ASMTL: variants seen among roughly 807,000 people sequenced by gnomAD.
ASMTL encodes the protein probable bifunctional dTTP/UTP pyrophosphatase/methyltransferase protein.
Under a neutral mutation model 60.3 loss-of-function variants are expected in ASMTL, and 57 were observed. The observed-to-expected ratio is 0.95, with a 90% confidence interval of 0.76 to 1.18. The LOEUF is 1.18. ASMTL is among the 50% of genes most tolerant of loss of function. The probability of loss-of-function intolerance (pLI) is 0.00; values close to 1 mark genes in which losing one functional copy is unlikely to be tolerated. For missense variants in ASMTL, 981 were observed against 852.6 expected (o/e 1.15, Z -1.88); for synonymous variants, 419 against 373.0 (o/e 1.12, Z -1.42).
intron 5 of ASMTL, among the ~76,000 whole-genome samples, chrX:1,432,594 C>T (rs2090827158): frequency 2.0e-5 from 3 of 152,194 alleles, no homozygotes; most frequent in African/African-American, 2.4e-5. Flanking sequence ...CCTTGGGAGG[C>T]CGAGGCGGGT....
intron 7 of ASMTL, among the ~76,000 whole-genome samples, chrX:1,427,131 G>T (rs2090634255): frequency 6.6e-6 from 1 of 152,088 alleles, no homozygotes. Context: ...AGACAGAAGA[G>T]ACACAGACAC....
At chrX:1,448,374 C>G (rs1377382288) in intron 1 of ASMTL, among the ~76,000 whole-genome samples, 2 of 146,998 alleles carry the variant, frequency 1.4e-5, no homozygotes, top group African/African-American at 5.1e-5. Context: ...CCATCTTGGA[C>G]AAGCACCACC....
chrX:1,438,957 TG>T, intron 3 of ASMTL, 139 bp downstream of exon 3: 1 of 939,136 alleles, frequency 1.1e-6, no homozygotes, highest in Non-Finnish European at 1.7e-6. Flanking sequence ...CCTCATCTGC[TG>T]GTAGTTTGTG....
At chrX:1,434,974 T>A (rs2090921152) in intron 5 of ASMTL, 48 bp downstream of exon 5, 3 of 1,606,342 alleles carry the variant, frequency 1.9e-6, no homozygotes, top group Non-Finnish European at 2.6e-6. Context: ...ATGTCCCGGG[T>A]CCTTGTCTCG....
rs145532392 is a variant in ASMTL at position 1,429,810 on chromosome X, T to C, written c.510-1689A>G. On this transcript the variant is annotated intron_variant, in intron 6 of 12. Transcript: ENST00000381317. ...AGACTCCGTCTCAAAAAAAATTTCATGTGTTAAATGGGATGTTTTGATATA... is the reference window on the plus strand; with the variant it reads ...AGACTCCGTCTCAAAAAAAATTTCACGTGTTAAATGGGATGTTTTGATATA... Among the ~76,000 whole-genome samples, 670 of 151,514 alleles carry C rather than the reference T, an allele frequency of 4.4e-3. 5 individuals carry two copies. The highest frequency in any genetic ancestry group is 0.016 in the African/African-American group (643 of 41,316).
At chrX:1,438,540 T>C (rs1158003832) in intron 3 of ASMTL, among the ~76,000 whole-genome samples, 6 of 152,052 alleles carry the variant, frequency 3.9e-5, no homozygotes, top group Non-Finnish European at 1.5e-5. Flanking sequence ...TGAGACGGAG[T>C]CTCGCTCTTG....
At chrX:1,421,563 G>A in intron 9 of ASMTL, 95 bp downstream of exon 9, 1 of 1,352,392 alleles carries the variant, frequency 7.4e-7, no homozygotes, top group Non-Finnish European at 1.0e-6. Context: ...TCAGACTGGA[G>A]ACAGACTGGT....
intron 11 of ASMTL, 141 bp from the exon 12 acceptor site, chrX:1,412,995 T>TA: frequency 1.1e-6 from 1 of 891,582 alleles, no homozygotes; most frequent in Admixed American, 2.0e-5. Context: ...CTTCCTGAAG[T>TA]ACATCCCCGT....
At chrX:1,429,969 CCA>C (rs1448610109) in intron 6 of ASMTL, among the ~76,000 whole-genome samples, 1 of 151,856 alleles carries the variant, frequency 6.6e-6, no homozygotes, top group Non-Finnish European at 1.5e-5. Flanking sequence ...TTCCTGTAAA[CCA>C]CAGTCACTAG....
chrX:1,428,571 CAGGAGG>C (rs1214608042), intron 6 of ASMTL, among the ~76,000 whole-genome samples: 1 of 151,372 alleles, frequency 6.6e-6, no homozygotes, highest in African/African-American at 2.4e-5. Flanking sequence ...CACTTGAACC[CAGGAGG>C]AGGAGGTTGC....
At chrX:1,411,018 T>G (rs1250948466) in intron 12 of ASMTL, among the ~76,000 whole-genome samples, 1 of 150,614 alleles carries the variant, frequency 6.6e-6, no homozygotes, top group Non-Finnish European at 1.5e-5. Context: ...AAACCCTGTC[T>G]CTATTAAAAA....
intron 5 of ASMTL, among the ~76,000 whole-genome samples, chrX:1,433,384 GA>G (rs1311415613): frequency 6.6e-6 from 1 of 150,432 alleles, no homozygotes; most frequent in Admixed American, 6.6e-5. Flanking sequence ...ACCCAGAAGG[GA>G]CCGCGCGCGG....
chrX:1,438,968 G>T, intron 3 of ASMTL, 129 bp downstream of exon 3: 1 of 1,030,856 alleles, frequency 9.7e-7, no homozygotes, highest in Non-Finnish European at 1.5e-6. Flanking sequence ...GGTAGTTTGT[G>T]ATGGGAGTTT....
chrX:1,415,717 C>T (rs1263156056), intron 11 of ASMTL, among the ~76,000 whole-genome samples: 3 of 152,226 alleles, frequency 2.0e-5, no homozygotes, highest in Non-Finnish European at 2.9e-5. Context: ...CCGCCCGCCT[C>T]AGCCTCCCAG....
At chrX:1,406,141 T>C (rs1490230676) in intron 12 of ASMTL, among the ~76,000 whole-genome samples, 1 of 146,452 alleles carries the variant, frequency 6.8e-6, no homozygotes, top group East Asian at 2.1e-4. Flanking sequence ...GATGGATGCA[T>C]GGATGAGATG....
intron 10 of ASMTL, 174 bp downstream of exon 10, chrX:1,418,808 G>T: frequency 3.1e-6 from 1 of 324,162 alleles, no homozygotes; most frequent in Non-Finnish European, 4.4e-6. Flanking sequence ...CATCCCCGGG[G>T]TCCTCCTGGA....
At chrX:1,417,746 ACG>A (rs60699894) in intron 11 of ASMTL, among the ~76,000 whole-genome samples, 126 of 58,368 alleles carry the variant, frequency 2.2e-3, no homozygotes, top group African/African-American at 3.2e-3. Flanking sequence ...AGACATGCTC[ACG>A]CACAGACATG....
intron 1 of ASMTL, among the ~76,000 whole-genome samples, chrX:1,447,748 T>TG (rs1213410256): frequency 1.5e-5 from 2 of 129,832 alleles, no homozygotes; most frequent in African/African-American, 5.9e-5. Context: ...TGGCCATCTT[T>TG]GACACACACC....
intron 12 of ASMTL, among the ~76,000 whole-genome samples, chrX:1,407,648 C>T (rs1349661610): frequency 1.3e-5 from 2 of 151,954 alleles, no homozygotes; most frequent in African/African-American, 4.8e-5. Flanking sequence ...CTTTGGGAGG[C>T]AGAGGTGGGA....
Sources: allele counts gnomAD v4.1 joint callset (sites outside exome capture counted in the v4.1 genomes callset), GRCh38; gene constraint gnomAD v4.1.1; transcripts MANE v1.5; gene names NCBI Gene and HGNC (gene_info 2026-07-23, HGNC 2026-07-21).